RSPH3: variants seen among roughly 807,000 people sequenced by gnomAD.
The protein encoded by RSPH3 is radial spoke head 3.
Under a neutral mutation model 43.8 loss-of-function variants are expected in RSPH3, and 21 were observed. The ratio of observed to expected loss-of-function variants is 0.48; its 90% CI spans 0.34 to 0.69. The LOEUF (loss-of-function observed/expected upper bound fraction) is 0.69, where lower values mean the gene tolerates loss of function less well. Among genes scored for constraint, RSPH3 ranks in the 30% least tolerant of loss-of-function variants. RSPH3 has a pLI of 0.01. For synonymous variants in RSPH3, 173 were observed against 179.8 expected (o/e 0.96, Z 0.30); for missense variants, 487 against 516.0 (o/e 0.94, Z 0.54).
At chr6:158,980,960 T>A (rs1778015048) in intron 5 of RSPH3, 24 bp from the exon 6 acceptor site, 1 of 1,611,670 alleles carries the variant, frequency 6.2e-7, no homozygotes, top group African/African-American at 1.3e-5. Flanking sequence ...CAGAGGTGGT[T>A]ATTTAGCTCT....
intron 3 of RSPH3, among the ~76,000 whole-genome samples, chr6:158,984,922 A>G (rs1178345720): frequency 6.6e-6 from 1 of 152,234 alleles, no homozygotes; most frequent in Non-Finnish European, 1.5e-5. Context: ...TGACAGCCAT[A>G]CACTCATTCT....
chr6:158,965,478 A>G, the RSPH3 span, among the ~76,000 whole-genome samples: 17 of 152,082 alleles, frequency 1.1e-4, no homozygotes, highest in Non-Finnish European at 2.5e-4. Context: ...AGTAGTTTTC[A>G]GTGTACTGTA....
chr6:158,963,405 TC>T, the RSPH3 span, among the ~76,000 whole-genome samples: 1 of 56,396 alleles, frequency 1.8e-5, no homozygotes, highest in African/African-American at 7.1e-5. Context: ...CCTCCCTCCC[TC>T]CCCCCTCCTT....
chr6:158,972,338 C>G (rs1324418778), downstream of RSPH3, among the ~76,000 whole-genome samples: 6 of 152,102 alleles, frequency 3.9e-5, no homozygotes, highest in African/African-American at 1.4e-4. Flanking sequence ...GTTAAGGATC[C>G]TGAATTAGAT....
chr6:158,981,222 T>A (rs1368140536), intron 5 of RSPH3, among the ~76,000 whole-genome samples: 1 of 152,212 alleles, frequency 6.6e-6, no homozygotes, highest in Non-Finnish European at 1.5e-5. Context: ...AGCAAAAAGA[T>A]AATCACCATT....
chr6:158,969,174 C>T (rs527926750), downstream of RSPH3, among the ~76,000 whole-genome samples: 57 of 152,196 alleles, frequency 3.7e-4, no homozygotes, highest in South Asian at 4.3e-3. Context: ...GAAGGACTCC[C>T]TTTAGTATTT....
intron 2 of RSPH3, among the ~76,000 whole-genome samples, chr6:158,991,096 T>C (rs1562565387): frequency 6.6e-6 from 1 of 152,190 alleles, no homozygotes; most frequent in South Asian, 2.1e-4. Context: ...TTTGCTAAGA[T>C]TTTTTTATTT....
rs1478496295 is a variant in RSPH3 at position 158,985,191 on chromosome 6, CA to C, written c.346+1088del. On this transcript the variant is annotated intron_variant, in intron 3 of 7. Coordinates refer to ENST00000367069, the MANE Select transcript of RSPH3 (RefSeq NM_031924.8). ...AGTACGCAAATCCTGGCACCTGTCT[CA>C]GGGGTGCCTGTGTGGCCCTGGGGAA... Among the ~76,000 whole-genome samples the C allele has an allele frequency of 5.9e-5, 9 of 152,334 alleles. No individual in the cohort carries two copies. In the South Asian group the frequency reaches 6.2e-4, roughly 11 times the overall value.
the RSPH3 span, among the ~76,000 whole-genome samples, chr6:158,964,667 T>A: frequency 9.2e-5 from 14 of 152,172 alleles, no homozygotes; most frequent in Non-Finnish European, 1.8e-4. Flanking sequence ...TTAAAATAGG[T>A]TGTCATTTTA....
At chr6:158,999,281 A>AAGTT (rs1436085659) in intron 1 of RSPH3, among the ~76,000 whole-genome samples, 154 bp downstream of exon 1, 2,696 of 152,220 alleles carry the variant, frequency 0.018, 33 homozygotes, top group Middle Eastern at 0.024. Flanking sequence ...CCTCCACACC[A>AAGTT]CGGGAGATTC....
chr6:158,997,847 T>A (rs767463675), intron 1 of RSPH3, among the ~76,000 whole-genome samples: 3 of 152,056 alleles, frequency 2.0e-5, no homozygotes, highest in Non-Finnish European at 4.4e-5. Flanking sequence ...AATTTAAATT[T>A]TCTATTTTAG....
chr6:158,972,724 T>C (rs1222384846), downstream of RSPH3: 1 of 152,256 alleles, frequency 6.6e-6, no homozygotes, highest in Admixed American at 6.5e-5. Flanking sequence ...ATTGCTTAAA[T>C]GGCATCTTAT....
In RSPH3 at chr6:158,982,417, G is replaced by A. The variant is rs1469863635; in HGVS notation, c.696+68C>T. ...TTAGTTTTATGATATATCATCACAT[G>A]TAATTTTGAACATAATATGCTAACT... On this transcript the variant is annotated intron_variant, in intron 5 of 7. Coordinates refer to ENST00000367069, the MANE Select transcript of RSPH3 (RefSeq NM_031924.8). 4 of 949,284 alleles carry A rather than the reference G, an allele frequency of 4.2e-6. No individual in the cohort carries two copies. In the African/African-American group the frequency reaches 5.0e-5, roughly 12 times the overall value. 58.8% of individuals were successfully genotyped at this position (949,284 alleles called of 1,614,324 possible).
downstream of RSPH3, chr6:158,972,741 A>C (rs1275638751): frequency 6.6e-6 from 1 of 152,232 alleles, no homozygotes; most frequent in Non-Finnish European, 1.5e-5. Flanking sequence ...TTATATCTGA[A>C]ATATTTTTAT....
At chr6:158,982,451 G>T in intron 5 of RSPH3, 34 bp downstream of exon 5, 1 of 1,420,636 alleles carries the variant, frequency 7.0e-7, no homozygotes, top group Non-Finnish European at 9.6e-7. Context: ...CTAGCCAAAA[G>T]ACTGCCTAAG....
At chr6:158,978,660 C>T (rs1777930641) in intron 6 of RSPH3, among the ~76,000 whole-genome samples, 2 of 152,182 alleles carry the variant, frequency 1.3e-5, no homozygotes, top group African/African-American at 2.4e-5. Flanking sequence ...CCTGCCTCAG[C>T]CTTCTGAGTA....
At chr6:158,981,878 A>G (rs1369600054) in intron 5 of RSPH3, among the ~76,000 whole-genome samples, 2 of 152,206 alleles carry the variant, frequency 1.3e-5, no homozygotes, top group East Asian at 1.9e-4. Flanking sequence ...CAGAAAGACT[A>G]TCTTTTCTAG....
intron 1 of RSPH3, 59 bp downstream of exon 1, chr6:158,999,376 C>G: frequency 1.4e-6 from 2 of 1,438,348 alleles, no homozygotes; most frequent in Non-Finnish European, 1.8e-6. Flanking sequence ...AGGGGCCAGA[C>G]CCCGGCCTGG....
chr6:158,973,432 C>T lies in RSPH3; in HGVS notation c.*4106G>A, dbSNP rs1323722337. ...ATATAATATGCAAAATGCTGCTTCC[C>T]CAACTATGACCGCCATTATAACTTT... On this transcript the variant is annotated 3_prime_UTR_variant, in exon 8 of 8. Transcript: ENST00000367069. 1 of 152,032 alleles carries T rather than the reference C, an allele frequency of 6.6e-6. No homozygotes were observed. The highest frequency in any genetic ancestry group is 3.2e-3 in the Middle Eastern group (1 of 316). 9.4% of individuals were successfully genotyped at this position (152,032 alleles called of 1,614,324 possible).
Sources: gnomAD v4.1 joint callset for allele counts (sites outside exome capture counted in the v4.1 genomes callset) on GRCh38, gnomAD v4.1.1 for gene constraint, MANE v1.5 for transcripts, NCBI Gene and HGNC (gene_info 2026-07-23, HGNC 2026-07-21) for gene names.